NOX4: variants seen among roughly 807,000 people sequenced by gnomAD.
The protein encoded by NOX4 is kidney oxidase-1.
NOX4 carries 69 observed loss-of-function variants against 87.6 expected under a neutral mutation model. That is an observed-to-expected ratio of 0.79 (90% confidence interval 0.65 to 0.96). NOX4 has a LOEUF of 0.96. Among genes scored for constraint, NOX4 ranks in the 40% least tolerant of loss-of-function variants. The probability of loss-of-function intolerance (pLI) is 0.00; values close to 1 mark genes in which losing one functional copy is unlikely to be tolerated. For missense variants in NOX4, 680 were observed against 681.5 expected (o/e 1.00, Z 0.02); for synonymous variants, 275 against 238.2 (o/e 1.15, Z -1.42).
intron 17 of NOX4, among the ~76,000 whole-genome samples, chr11:89,335,100 C>T (rs1180410037): frequency 6.6e-6 from 1 of 151,670 alleles, no homozygotes; most frequent in African/African-American, 2.4e-5. Context: ...TCTTTTACAA[C>T]TGTGTAAACT....
At chr11:89,485,096 T>C (rs936050810) in intron 2 of NOX4, among the ~76,000 whole-genome samples, 14 of 152,258 alleles carry the variant, frequency 9.2e-5, no homozygotes, top group East Asian at 1.9e-4. Flanking sequence ...TTTCTGTCTC[T>C]GTAAAATGTT....
At chr11:89,424,057 A>G (rs968208299) in intron 7 of NOX4, among the ~76,000 whole-genome samples, 3 of 151,958 alleles carry the variant, frequency 2.0e-5, no homozygotes, top group African/African-American at 4.8e-5. Flanking sequence ...TGGATGAGAG[A>G]GAAAGACCCT....
intron 12 of NOX4, 132 bp downstream of exon 12, chr11:89,373,300 A>AAAAAAAAAAAAAC: frequency 2.1e-6 from 1 of 475,838 alleles, no homozygotes; most frequent in Non-Finnish European, 3.7e-6. Context: ...AAAAAAAAAC[A>AAAAAAAAAAAAAC]AAAAAAAACC....
chr11:89,418,697 C>T (rs1222921150), intron 8 of NOX4, among the ~76,000 whole-genome samples: 2 of 151,650 alleles, frequency 1.3e-5, no homozygotes, highest in African/African-American at 4.8e-5. Flanking sequence ...AAAATAATTC[C>T]AACCAAAAAC....
At chr11:89,446,514 A>G (rs1944717615) in intron 4 of NOX4, among the ~76,000 whole-genome samples, 1 of 152,094 alleles carries the variant, frequency 6.6e-6, no homozygotes. Context: ...GTACATCCAG[A>G]TAAGGGAATA....
At chr11:89,378,757 A>C (rs1226763428) in intron 11 of NOX4, among the ~76,000 whole-genome samples, 2 of 152,114 alleles carry the variant, frequency 1.3e-5, no homozygotes, top group East Asian at 3.9e-4. Context: ...TTATTCACTC[A>C]AGAAATATTT....
At chr11:89,583,003 T>G in the NOX4 span, among the ~76,000 whole-genome samples, 1 of 152,140 alleles carries the variant, frequency 6.6e-6, no homozygotes, top group East Asian at 1.9e-4. Flanking sequence ...ACAAGCAACT[T>G]CAAAAATATT....
intron 8 of NOX4, 103 bp downstream of exon 8, chr11:89,421,798 TC>T (rs1254340310): frequency 3.2e-6 from 2 of 623,976 alleles, no homozygotes; most frequent in Non-Finnish European, 5.6e-6. Context: ...TTTCTTTCAC[TC>T]TTGACACTTT....
the NOX4 span, among the ~76,000 whole-genome samples, chr11:89,549,597 C>T: frequency 4.6e-5 from 7 of 152,130 alleles, no homozygotes; most frequent in African/African-American, 1.4e-4. Flanking sequence ...CCCATCAACC[C>T]GTCATCTACA....
chr11:89,356,964 G>A (rs1938113448), intron 12 of NOX4, among the ~76,000 whole-genome samples: 2 of 152,128 alleles, frequency 1.3e-5, no homozygotes, highest in South Asian at 4.1e-4. Context: ...GTCAGGCTTA[G>A]ATAGTATGCA....
At chr11:89,433,318 AT>A (rs1409759087) in intron 6 of NOX4, among the ~76,000 whole-genome samples, 1 of 152,080 alleles carries the variant, frequency 6.6e-6, no homozygotes, top group Non-Finnish European at 1.5e-5. Context: ...AGGATCTTTT[AT>A]CTATTTTACA....
At chr11:89,514,522 C>G in the NOX4 span, among the ~76,000 whole-genome samples, 1 of 151,832 alleles carries the variant, frequency 6.6e-6, no homozygotes, top group Non-Finnish European at 1.5e-5. Context: ...TTTCTGACTA[C>G]AAACTCTAGT....
intron 8 of NOX4, among the ~76,000 whole-genome samples, chr11:89,411,720 T>A (rs1942487337): frequency 6.6e-6 from 1 of 151,400 alleles, no homozygotes; most frequent in Non-Finnish European, 1.5e-5. Flanking sequence ...GAAAATCACC[T>A]TCACCAAAAG....
chr11:89,421,763 G>T, intron 8 of NOX4, 139 bp downstream of exon 8: 2 of 526,560 alleles, frequency 3.8e-6, no homozygotes, highest in East Asian at 3.4e-5. Context: ...CATTCTTGAC[G>T]TTATCCTCAA....
chr11:89,504,302 C>T, the NOX4 span, among the ~76,000 whole-genome samples: 10 of 151,856 alleles, frequency 6.6e-5, no homozygotes, highest in Non-Finnish European at 1.0e-4. Context: ...AGACAGACAG[C>T]GTCACTTCAC....
At chr11:89,353,574 G>C (rs1057222639) in intron 13 of NOX4, among the ~76,000 whole-genome samples, 1 of 152,040 alleles carries the variant, frequency 6.6e-6, no homozygotes. Flanking sequence ...TATATGCAGT[G>C]AGAAACTTAA....
the NOX4 span, among the ~76,000 whole-genome samples, chr11:89,521,106 C>T: frequency 1.8e-4 from 27 of 152,012 alleles, no homozygotes; most frequent in Non-Finnish European, 3.7e-4. Flanking sequence ...GTTAGAATGG[C>T]CATATTGTCC....
chr11:89,454,342 G>A (rs1186899447), intron 2 of NOX4, among the ~76,000 whole-genome samples: 1 of 151,986 alleles, frequency 6.6e-6, no homozygotes, highest in Non-Finnish European at 1.5e-5. Flanking sequence ...ACTCTGACAA[G>A]CTGAGTAGAT....
chr11:89,517,184 G>A, the NOX4 span, among the ~76,000 whole-genome samples: 1 of 151,950 alleles, frequency 6.6e-6, no homozygotes, highest in Non-Finnish European at 1.5e-5. Flanking sequence ...GTATATGTCA[G>A]ACATATTTAA....
Sources: gnomAD v4.1 joint callset for allele counts (sites outside exome capture counted in the v4.1 genomes callset) on GRCh38, gnomAD v4.1.1 for gene constraint, MANE v1.5 for transcripts, NCBI Gene and HGNC (gene_info 2026-07-23, HGNC 2026-07-21) for gene names.